The following EPHA1 variants were observed in gnomAD, a reference collection of about 807,000 sequenced individuals.
EPHA1 encodes EPH receptor A1.
EPHA1 carries 92 observed loss-of-function variants against 110.1 expected under a neutral mutation model. The ratio of observed to expected loss-of-function variants is 0.84; its 90% CI spans 0.71 to 0.99. The LOEUF is 0.99. EPHA1 is among the 50% of genes least tolerant of loss of function. EPHA1 has a pLI of 0.00. For missense variants in EPHA1, 1,204 were observed against 1,285.4 expected (o/e 0.94, Z 0.97); for synonymous variants, 500 against 516.1 (o/e 0.97, Z 0.42).
chr7:143,394,601 T>A (rs963224080), intron 14 of EPHA1, among the ~76,000 whole-genome samples: 1 of 152,074 alleles, frequency 6.6e-6, no homozygotes, highest in Non-Finnish European at 1.5e-5. Context: ...TTTGTATTTT[T>A]AGTAGAGACG....
At chr7:143,408,263 A>G (rs1805611618) in intron 1 of EPHA1, among the ~76,000 whole-genome samples, 1 of 152,164 alleles carries the variant, frequency 6.6e-6, no homozygotes, top group Non-Finnish European at 1.5e-5. Context: ...CGACTCGGAC[A>G]ACTGGGAACC....
chr7:143,407,627 T>A lies in EPHA1; in HGVS notation c.134A>T (p.Asp45Val). Residue 45 changes from aspartate to valine, a missense_variant, in exon 2 of 18, where the codon GAT becomes GTT. Physicochemically the swap from Asp to Val is radical, Grantham distance 152 (BLOSUM62 -3). Transcript: ENST00000275815. ...KAQGELGWLLDPPKDGWSEQQ... is the reference protein window; with the variant it reads ...KAQGELGWLLVPPKDGWSEQQ... ...GACACTTACCCCATCTTTTGGGGGATCCAGCAGCCAGCCCAGCTCTCCCTG... is the reference window on the plus strand; with the variant it reads ...GACACTTACCCCATCTTTTGGGGGAACCAGCAGCCAGCCCAGCTCTCCCTG... 2 of 1,613,460 alleles carry A rather than the reference T, an allele frequency of 1.2e-6. No individual in the cohort carries two copies. The highest frequency in any genetic ancestry group is 1.7e-6 in the Non-Finnish European group (2 of 1,179,686).
Position 143,401,663 on chromosome 7 carries a change from G to GT in EPHA1, c.151-59dup. ...TCATCCCCTGCTCCCCAAACCCTTG[G>GT]TTTTTAGAGCTGATGGAGAAGCAGC... On this transcript the variant is annotated intron_variant, in intron 2 of 17. Transcript: ENST00000275815. The surrounding 1 kb of genome is among the most constrained non-coding windows in gnomAD (Gnocchi z 4.1). 1 of 1,573,242 alleles carries GT rather than the reference G, an allele frequency of 6.4e-7. No homozygotes were observed. The highest frequency in any genetic ancestry group is 8.7e-7 in the Non-Finnish European group (1 of 1,155,958).
At position 143,401,764 on chromosome 7, in the gene EPHA1, T is replaced by G. The variant is rs540269987; in HGVS notation, c.151-159A>C. Among the ~76,000 whole-genome samples the G allele has an allele frequency of 6.6e-6, 1 of 152,078 alleles. No individual in the cohort carries two copies. The highest frequency in any genetic ancestry group is 2.1e-4 in the South Asian group (1 of 4,814). ...CTCAGCTCCAGGACAGTAGACTGAG[T>G]GTTTAGGGTTGGGGATTTGTTTGGA... is the stretch of plus-strand genomic sequence containing the variant. On this transcript the variant is annotated intron_variant, in intron 2 of 17. Coordinates refer to ENST00000275815, the MANE Select transcript of EPHA1 (RefSeq NM_005232.5). This position sits in a 1 kb window ranked among gnomAD's most constrained non-coding sequence, Gnocchi z 4.1.
chr7:143,391,815 G>GGCCT, intron 16 of EPHA1, 40 bp from the exon 17 acceptor site: 1 of 1,605,962 alleles, frequency 6.2e-7, no homozygotes, highest in South Asian at 1.1e-5. Context: ...GGGTACATGG[G>GGCCT]CTGATCTGGT....
rs867374760 is a variant in EPHA1 at position 143,395,797 on chromosome 7, G to A, written c.1898-293C>T. On this transcript the variant is annotated intron_variant, in intron 11 of 17. Transcript: ENST00000275815. This position sits in a 1 kb window ranked among gnomAD's most constrained non-coding sequence, Gnocchi z 4.7. ...GAACCCTGTGGAGCGGGACTGGGCC[G>A]TGCTCATGAAGAGCAAGCTAGTGCG... Among the ~76,000 whole-genome samples, 14 of 152,208 alleles carry A rather than the reference G, an allele frequency of 9.2e-5. No homozygotes were observed. Among genetic ancestry groups the A allele is most frequent in the Admixed American group, 3.3e-4 (5 of 15,274 alleles).
rs1805167024 is a variant in EPHA1, at chr7:143,393,977, G to A, written c.2503-113C>T. 2.3e-6 allele frequency: 3 copies of A among 1,325,738 alleles called. No individual in the cohort carries two copies. The highest frequency in any genetic ancestry group is 3.1e-6 in the Non-Finnish European group (3 of 976,662). 82.1% of individuals were successfully genotyped at this position (1,325,738 alleles called of 1,614,324 possible). A position where few individuals can be genotyped will look rare whatever the true frequency, so the allele number is the denominator to read the frequency against. ...TGGAGATCCTAGGATGGGAGGAGGT[G>A]GGAGGACCAGGGTGGGACGATCACA... On this transcript the variant is annotated intron_variant, in intron 15 of 17. Coordinates refer to ENST00000275815, the MANE Select transcript of EPHA1 (RefSeq NM_005232.5). This position sits in a 1 kb window ranked among gnomAD's most constrained non-coding sequence, Gnocchi z 5.6.
chr7:143,393,877 A>C lies in EPHA1; in HGVS notation c.2503-13T>G, dbSNP rs1450022840. 1 of 1,532,892 alleles carries C rather than the reference A, an allele frequency of 6.5e-7. No individual in the cohort carries two copies. The highest frequency in any genetic ancestry group is 2.3e-5 in the East Asian group (1 of 43,954). 95.0% of individuals were successfully genotyped at this position (1,532,892 alleles called of 1,614,324 possible). On this transcript the variant is annotated splice_polypyrimidine_tract_variant and intron_variant, in intron 15 of 17. Coordinates refer to ENST00000275815, the MANE Select transcript of EPHA1 (RefSeq NM_005232.5). This position sits in a 1 kb window ranked among gnomAD's most constrained non-coding sequence, Gnocchi z 5.6. ...TGCTCTTCATAACCTGCACGGCGGG[A>C]CAGGAGGATGCTCTAGAGTAGCAAG...
chr7:143,408,518 T>C (rs1805618950), intron 1 of EPHA1, among the ~76,000 whole-genome samples: 1 of 151,876 alleles, frequency 6.6e-6, no homozygotes, highest in African/African-American at 2.4e-5. Context: ...TGGGGGTGAC[T>C]GACCCGGGAG....
At chr7:143,396,719 T>C (rs1405467880) in intron 10 of EPHA1, 2 of 566,888 alleles carry the variant, frequency 3.5e-6, no homozygotes, top group Non-Finnish European at 3.1e-6. Flanking sequence ...CTGTCCTCAC[T>C]CCACAAGGTC....
chr7:143,397,859 T>C, intron 8 of EPHA1, 61 bp downstream of exon 8: 1 of 1,589,954 alleles, frequency 6.3e-7, no homozygotes, highest in Non-Finnish European at 8.6e-7. Flanking sequence ...GAACAGGAGC[T>C]GAGTTGCCTC....
At position 143,401,562 on chromosome 7, in the gene EPHA1, A is replaced by C; in HGVS notation, c.194T>G (p.Met65Arg). 6.2e-7 allele frequency: 1 copy of C among 1,614,162 alleles called. No individual in the cohort carries two copies. The highest frequency in any genetic ancestry group is 2.2e-5 in the East Asian group (1 of 44,884). ...TCCTTGCATTGGGCAGTCCTGGTAC[A>C]TGTACAGGGGTGTCCCATTCAGTAT... ...QQILNGTPLY[M>R]YQDCPMQGRR... Residue 65 changes from methionine to arginine, a missense_variant, in exon 3 of 18, where the codon ATG (methionine) becomes AGG (arginine). Transcript: ENST00000275815. The surrounding 1 kb of genome is among the most constrained non-coding windows in gnomAD (Gnocchi z 4.1).
rs1455195263 is a variant in EPHA1 at position 143,401,645 on chromosome 7, C to A, written c.151-40G>T. 6.3e-7 allele frequency: 1 copy of A among 1,591,530 alleles called. No homozygotes were observed. Among genetic ancestry groups the A allele is most frequent in the Non-Finnish European group, 8.6e-7 (1 of 1,164,904 alleles). On this transcript the variant is annotated intron_variant, in intron 2 of 17. Transcript: ENST00000275815. This position sits in a 1 kb window ranked among gnomAD's most constrained non-coding sequence, Gnocchi z 4.1. The stretch of plus-strand genomic sequence containing the variant: ...TCAGAGTCAGGGACCAGATCATCCC[C>A]TGCTCCCCAAACCCTTGGTTTTTAG...
chr7:143,395,132 C>T lies in EPHA1; in HGVS notation c.2134G>A (p.Ala712Thr). Reference sequence around the variant, plus strand: ...TCTGCCCTCCTCACCCTCAGGAAGGCATCCAGGGCTCCATTCTCCATAAAT... The same window carrying T: ...TCTGCCCTCCTCACCCTCAGGAAGGTATCCAGGGCTCCATTCTCCATAAAT... ...TEFMENGALD[A>T]FLREREDQLV... Residue 712 changes from alanine (A) to threonine (T), a missense_variant, in exon 13 of 18, where the codon GCC (alanine) becomes ACC (threonine). By Grantham distance (58) the Ala-to-Thr change is moderately conservative. Transcript: ENST00000275815. This position sits in a 1 kb window ranked among gnomAD's most constrained non-coding sequence, Gnocchi z 4.7. The T allele has an allele frequency of 6.2e-7, 1 of 1,614,090 alleles. No homozygotes were observed. Among genetic ancestry groups the T allele is most frequent in the Non-Finnish European group, 8.5e-7 (1 of 1,180,048 alleles).
At position 143,398,942 on chromosome 7, in the gene EPHA1, G is replaced by T; in HGVS notation, c.995C>A (p.Pro332His). 1 of 1,595,864 alleles carries T rather than the reference G, an allele frequency of 6.3e-7. No homozygotes were observed. ...GEGPQVACTGPPSAPRNLSFS... is the reference protein window; with the variant it reads ...GEGPQVACTGHPSAPRNLSFS... ...GCTCAGGTTTCGGGGGGCCGAGGGGGGACCTGTGGGAGAAGAGGAGCCATC... is the reference window on the plus strand; with the variant it reads ...GCTCAGGTTTCGGGGGGCCGAGGGGTGACCTGTGGGAGAAGAGGAGCCATC... Residue 332 changes from proline to histidine, a missense_variant, in exon 6 of 18, where the codon CCC becomes CAC. Pro to His is a moderately conservative substitution (Grantham distance 77, BLOSUM62 -2). Transcript: ENST00000275815.
At chr7:143,403,745 T>C (rs1358525417) in intron 2 of EPHA1, among the ~76,000 whole-genome samples, 4 of 152,220 alleles carry the variant, frequency 2.6e-5, no homozygotes, top group African/African-American at 9.6e-5. Flanking sequence ...TTGCCAATCC[T>C]AGGGTCAAAA....
chr7:143,397,351 C>A lies in EPHA1; in HGVS notation c.1724G>T (p.Arg575Leu). The A allele has an allele frequency of 6.5e-7, 1 of 1,550,020 alleles. No individual in the cohort carries two copies. The highest frequency in any genetic ancestry group is 8.7e-7 in the Non-Finnish European group (1 of 1,146,872). ...ILVFRSRRAQ[R>L]QRQQRQRDRA... Reference sequence around the variant, plus strand: ...GTCACGCTGCCTCTGCTGCCTCTGCCGCTGGGCTCTCCTGTGGGGGTTGGG... The same window carrying A: ...GTCACGCTGCCTCTGCTGCCTCTGCAGCTGGGCTCTCCTGTGGGGGTTGGG... The change falls in exon 10 of 18, where the codon CGG (arginine) becomes CTG (leucine). Residue 575 changes from arginine (R) to leucine (L), a missense_variant. Physicochemically the swap from Arg to Leu is moderately radical, Grantham distance 102. Transcript: ENST00000275815.
Position 143,393,996 on chromosome 7 carries a change from G to A in EPHA1, c.2503-132C>T, listed in dbSNP as rs1008347629. 12 of 1,251,890 alleles carry A rather than the reference G, an allele frequency of 9.6e-6. No individual in the cohort carries two copies. The highest frequency in any genetic ancestry group is 4.5e-5 in the African/African-American group (3 of 66,392). The allele number at this position is 1,251,890 out of a possible 1,614,324, so 77.5% of individuals were successfully genotyped here. A position where few individuals can be genotyped will look rare whatever the true frequency, so the allele number is the denominator to read the frequency against. Reference sequence around the variant, plus strand: ...GGAGGTGGGAGGACCAGGGTGGGACGATCACAGTGGGAGGATCAGGGTGGG... The same window carrying A: ...GGAGGTGGGAGGACCAGGGTGGGACAATCACAGTGGGAGGATCAGGGTGGG... On this transcript the variant is annotated intron_variant, in intron 15 of 17. Coordinates refer to ENST00000275815, the MANE Select transcript of EPHA1 (RefSeq NM_005232.5). The surrounding 1 kb of genome is among the most constrained non-coding windows in gnomAD (Gnocchi z 5.6).
Position 143,395,254 on chromosome 7 carries a change from T to C in EPHA1, c.2083+65A>G. The stretch of plus-strand genomic sequence containing the variant: ...CTTGGCCACACATCCTCCCTCCACT[T>C]CCAGTGGTTTCACCCCTCTTTCCTG... On this transcript the variant is annotated intron_variant, in intron 12 of 17. Transcript: ENST00000275815. This position sits in a 1 kb window ranked among gnomAD's most constrained non-coding sequence, Gnocchi z 4.7. 6.2e-7 allele frequency: 1 copy of C among 1,613,158 alleles called. No individual in the cohort carries two copies. The highest frequency in any genetic ancestry group is 8.5e-7 in the Non-Finnish European group (1 of 1,179,746).
Sources: gnomAD v4.1 joint callset for allele counts (sites outside exome capture counted in the v4.1 genomes callset) on GRCh38, gnomAD v4.1.1 for gene constraint, Gnocchi (gnomAD v3.1) non-coding constraint, MANE v1.5 for transcripts, NCBI Gene and HGNC (gene_info 2026-07-23, HGNC 2026-07-21) for gene names.